The following NAALADL2 variants were observed in gnomAD, a reference collection of about 807,000 sequenced individuals.
NAALADL2 encodes inactive N-acetylated-alpha-linked acidic dipeptidase-like protein 2.
Under a neutral mutation model 87.2 loss-of-function variants are expected in NAALADL2, and 76 were observed. The ratio of observed to expected loss-of-function variants is 0.87; its 90% CI spans 0.72 to 1.05. The LOEUF is 1.05. NAALADL2 is among the 50% of genes least tolerant of loss of function. NAALADL2 has a pLI of 0.00. For synonymous variants in NAALADL2, 354 were observed against 331.0 expected (o/e 1.07, Z -0.75); for missense variants, 1,089 against 945.8 (o/e 1.15, Z -1.99).
intron 11 of NAALADL2, among the ~76,000 whole-genome samples, chr3:175,710,745 T>C (rs1473978410): frequency 6.6e-6 from 1 of 151,792 alleles, no homozygotes; most frequent in Non-Finnish European, 1.5e-5. Flanking sequence ...TTTACACATA[T>C]ACATATATAT....
chr3:175,663,328 T>C (rs1220354226), intron 11 of NAALADL2, among the ~76,000 whole-genome samples: 1 of 151,820 alleles, frequency 6.6e-6, no homozygotes, highest in Non-Finnish European at 1.5e-5. Flanking sequence ...TCCAATTTGT[T>C]GTCATATAAT....
intron 9 of NAALADL2, among the ~76,000 whole-genome samples, chr3:175,497,533 A>T (rs1362794698): frequency 1.3e-5 from 2 of 152,180 alleles, no homozygotes; most frequent in African/African-American, 4.8e-5. Flanking sequence ...GAAAATTGTA[A>T]ATGTCTAAGG....
At chr3:174,732,743 G>T (rs1732824520) in intron 2 of NAALADL2, among the ~76,000 whole-genome samples, 1 of 152,116 alleles carries the variant, frequency 6.6e-6, no homozygotes, top group African/African-American at 2.4e-5. Flanking sequence ...TCTTGAAGAA[G>T]ACTGTTTTAG....
chr3:174,922,769 C>G (rs1181007675), intron 1 of NAALADL2, among the ~76,000 whole-genome samples: 1 of 151,998 alleles, frequency 6.6e-6, no homozygotes, highest in Admixed American at 6.6e-5. Flanking sequence ...GTGTATTTTT[C>G]CACAACAACA....
At chr3:174,616,322 A>G (rs1304391093) in intron 2 of NAALADL2, among the ~76,000 whole-genome samples, 1 of 152,010 alleles carries the variant, frequency 6.6e-6, no homozygotes. Context: ...AAGGTACTAG[A>G]AGTAAAGTTG....
chr3:174,865,595 G>T (rs143476141), intron 1 of NAALADL2, among the ~76,000 whole-genome samples: 1 of 151,790 alleles, frequency 6.6e-6, no homozygotes, highest in Non-Finnish European at 1.5e-5. Context: ...ACATTTCTTC[G>T]AGGGAGCTTT....
intron 10 of NAALADL2, among the ~76,000 whole-genome samples, chr3:175,591,095 G>A (rs1010705307): frequency 1.3e-5 from 2 of 152,120 alleles, no homozygotes; most frequent in Admixed American, 1.3e-4. Context: ...TTTTTAGGAG[G>A]TGTCATAGGA....
intron 1 of NAALADL2, among the ~76,000 whole-genome samples, chr3:174,543,877 G>T (rs150792021): frequency 6.6e-6 from 1 of 151,746 alleles, no homozygotes; most frequent in Non-Finnish European, 1.5e-5. Context: ...GCGTGGTGGC[G>T]TGCACCTGTA....
chr3:174,576,996 T>G (rs1403549803), intron 2 of NAALADL2, among the ~76,000 whole-genome samples: 1 of 152,124 alleles, frequency 6.6e-6, no homozygotes, highest in Non-Finnish European at 1.5e-5. Flanking sequence ...ATATTTTCAA[T>G]GCCTGTTATA....
At chr3:175,572,824 G>A (rs539854738) in intron 9 of NAALADL2, among the ~76,000 whole-genome samples, 6 of 152,050 alleles carry the variant, frequency 3.9e-5, no homozygotes, top group African/African-American at 1.4e-4. Context: ...AGGAGGCTGA[G>A]GTGGGAGGAT....
chr3:175,621,307 C>T (rs951980159), intron 10 of NAALADL2, among the ~76,000 whole-genome samples: 6 of 152,170 alleles, frequency 3.9e-5, no homozygotes, highest in African/African-American at 1.4e-4. Flanking sequence ...GCAACAAATT[C>T]TACTTAGGAA....
At chr3:174,537,740 T>C (rs1001344357) in intron 1 of NAALADL2, among the ~76,000 whole-genome samples, 3 of 152,120 alleles carry the variant, frequency 2.0e-5, no homozygotes, top group South Asian at 2.1e-4. Context: ...AGGGACAGAT[T>C]GTGAATGTCC....
intron 1 of NAALADL2, among the ~76,000 whole-genome samples, chr3:175,089,096 G>A (rs1719605937): frequency 6.6e-6 from 1 of 152,156 alleles, no homozygotes; most frequent in Non-Finnish European, 1.5e-5. Flanking sequence ...TCAGGGCACT[G>A]TGCTTGGAAG....
At chr3:175,138,507 A>G (rs116031917) in intron 2 of NAALADL2, among the ~76,000 whole-genome samples, 2 of 152,018 alleles carry the variant, frequency 1.3e-5, no homozygotes, top group African/African-American at 4.8e-5. Context: ...TTGTCCCTGG[A>G]TGGGACACCT....
rs78798440 is a variant in NAALADL2 at position 175,718,993 on chromosome 3, C to T, written c.1897-18313C>T. Among the ~76,000 whole-genome samples, 1,448 of 152,206 alleles carry T rather than the reference C, an allele frequency of 9.5e-3. 22 individuals carry two copies. The highest frequency in any genetic ancestry group is 0.033 in the African/African-American group (1,359 of 41,548). Reference sequence around the variant, plus strand: ...ATTTTTTAAAGTGCGGTATGATTGCCATTATCTCATCCGCTTTGTGCTAAA... The same window carrying T: ...ATTTTTTAAAGTGCGGTATGATTGCTATTATCTCATCCGCTTTGTGCTAAA... On this transcript the variant is annotated intron_variant, in intron 11 of 13. Transcript: ENST00000454872.
intron 11 of NAALADL2, chr3:175,718,392 C>G: frequency 6.3e-7 from 1 of 1,592,542 alleles, no homozygotes; most frequent in Non-Finnish European, 8.6e-7. Context: ...GAACTATTTA[C>G]TCCATTCATA....
At chr3:174,918,910 G>C (rs565856706) in intron 1 of NAALADL2, among the ~76,000 whole-genome samples, 24 of 151,742 alleles carry the variant, frequency 1.6e-4, no homozygotes, top group South Asian at 1.5e-3. Context: ...TAATATTGAT[G>C]TTCAGATCGG....
rs1259979257 is a variant in NAALADL2 at position 174,748,796 on chromosome 3, C to T, written c.-9+11050C>T. Reference sequence around the variant, plus strand: ...AAGCATGATTGTTAACAAGGTTTGACTAAATCAGGTCTACAATGCAATAAG... The same window carrying T: ...AAGCATGATTGTTAACAAGGTTTGATTAAATCAGGTCTACAATGCAATAAG... On this transcript the variant is annotated intron_variant, in intron 3 of 3. Coordinates refer to the NAALADL2 transcript ENST00000434257. 5.9e-5 allele frequency among the ~76,000 whole-genome samples: 9 copies of T among 152,250 alleles called. No individual in the cohort carries two copies. In the East Asian group the frequency reaches 1.5e-3, roughly 26 times the overall value.
At chr3:175,369,393 A>G (rs1766146725) in intron 5 of NAALADL2, 1 of 150,410 alleles carries the variant, frequency 6.6e-6, no homozygotes, top group Non-Finnish European at 1.5e-5. Flanking sequence ...GCATGTATAC[A>G]TATATAGGTA....
Sources: gnomAD v4.1 joint callset for allele counts (sites outside exome capture counted in the v4.1 genomes callset) on GRCh38, gnomAD v4.1.1 for gene constraint, MANE v1.5 for transcripts, NCBI Gene and HGNC (gene_info 2026-07-23, HGNC 2026-07-21) for gene names.